Variants in COL24A1 observed in about 807,000 individuals in gnomAD.
COL24A1 encodes collagen alpha-1(XXIV) chain.
A neutral mutation model predicts 253.9 loss-of-function variants in COL24A1; 224 were observed. That is an observed-to-expected ratio of 0.88 (90% confidence interval 0.79 to 0.99). COL24A1 has a LOEUF of 0.99. Among genes scored for constraint, COL24A1 ranks in the 50% least tolerant of loss-of-function variants. The pLI is 0.00. For missense variants in COL24A1, 2,131 were observed against 2,068.5 expected (o/e 1.03, Z -0.59); for synonymous variants, 685 against 673.7 (o/e 1.02, Z -0.26).
At chr1:85,772,983 T>C (rs1376063131) in intron 53 of COL24A1, among the ~76,000 whole-genome samples, 1 of 152,224 alleles carries the variant, frequency 6.6e-6, no homozygotes, top group African/African-American at 2.4e-5. Context: ...GGTTTTCTTC[T>C]AGGATTTTTA....
rs1038840071 is a variant in COL24A1, at chr1:85,763,637, G to A, written c.4375-2071C>T. 7.3e-5 allele frequency among the ~76,000 whole-genome samples: 11 copies of A among 151,534 alleles called. No homozygotes were observed. The South Asian group carries it at 1.5e-3, about 20-fold the overall frequency. ...CTTCCGAGTAGCTGGGACTACAGGCGTGCGCCACCACTCCTGGCTAATTTT... is the reference window on the plus strand; with the variant it reads ...CTTCCGAGTAGCTGGGACTACAGGCATGCGCCACCACTCCTGGCTAATTTT... On this transcript the variant is annotated intron_variant, in intron 53 of 59. Transcript: ENST00000370571.
intron 59 of COL24A1, among the ~76,000 whole-genome samples, 159 bp from the exon 60 acceptor site, chr1:85,730,851 T>C (rs1313270441): frequency 1.3e-5 from 2 of 152,244 alleles, no homozygotes; most frequent in Admixed American, 6.5e-5. Context: ...ATTACTATTA[T>C]TAGTTGAAAA....
chr1:85,963,007 T>C (rs967534367), intron 23 of COL24A1, among the ~76,000 whole-genome samples: 1 of 152,152 alleles, frequency 6.6e-6, no homozygotes, highest in Non-Finnish European at 1.5e-5. Context: ...ATTGATTACA[T>C]GTTGAAAGGA....
At chr1:85,948,747 C>T (rs1300265498) in intron 24 of COL24A1, among the ~76,000 whole-genome samples, 1 of 151,442 alleles carries the variant, frequency 6.6e-6, no homozygotes, top group Non-Finnish European at 1.5e-5. Context: ...GATACCAAAA[C>T]CTGGCAGAGA....
At chr1:86,120,178 C>A (rs530960988) in intron 3 of COL24A1, among the ~76,000 whole-genome samples, 1 of 152,268 alleles carries the variant, frequency 6.6e-6, no homozygotes, top group East Asian at 1.9e-4. Context: ...AGACCTAAAA[C>A]CATAAAAATC....
At chr1:85,813,664 C>T (rs1280491111) in intron 47 of COL24A1, among the ~76,000 whole-genome samples, 3 of 147,472 alleles carry the variant, frequency 2.0e-5, no homozygotes, top group South Asian at 2.2e-4. Flanking sequence ...CATTCTCCTG[C>T]CTCAGCCTCC....
chr1:85,817,837 A>G (rs1329729531), intron 46 of COL24A1, among the ~76,000 whole-genome samples, 197 bp downstream of exon 46: 1 of 152,142 alleles, frequency 6.6e-6, no homozygotes, highest in East Asian at 1.9e-4. Context: ...GCAGGGACTT[A>G]TATTTAAACA....
intron 37 of COL24A1, among the ~76,000 whole-genome samples, chr1:85,854,681 C>T (rs1678217174): frequency 6.6e-6 from 1 of 151,470 alleles, no homozygotes. Flanking sequence ...AGATCTTTCA[C>T]CTCCCTGGTT....
intron 47 of COL24A1, among the ~76,000 whole-genome samples, chr1:85,806,032 C>T (rs1427139643): frequency 4.1e-5 from 6 of 146,640 alleles, no homozygotes; most frequent in Admixed American, 2.1e-4. Context: ...GCGGAGATCG[C>T]GCCACTGCAC....
chr1:86,039,134 A>G (rs767981684), intron 12 of COL24A1, among the ~76,000 whole-genome samples: 4 of 132,256 alleles, frequency 3.0e-5, no homozygotes, highest in Non-Finnish European at 6.6e-5. Flanking sequence ...AGTATTTTAA[A>G]TGTATGATAT....
chr1:86,088,561 T>TCAG (rs1461659214), intron 7 of COL24A1, among the ~76,000 whole-genome samples: 3 of 152,264 alleles, frequency 2.0e-5, no homozygotes, highest in African/African-American at 7.2e-5. Context: ...TGCAACTGTG[T>TCAG]CAGTACTCCT....
At chr1:85,736,372 C>G (rs921667316) in intron 58 of COL24A1, 4 of 456,188 alleles carry the variant, frequency 8.8e-6, no homozygotes, top group Non-Finnish European at 1.8e-5. Flanking sequence ...ATTTCCTCTG[C>G]ACAGTTCACA....
chr1:86,006,951 A>C (rs518538), intron 19 of COL24A1, among the ~76,000 whole-genome samples: 27,600 of 151,936 alleles, frequency 0.18, 3,183 homozygotes, highest in African/African-American at 0.32. Flanking sequence ...GTTGCTCATG[A>C]CTTTAATCCC....
Position 86,050,138 on chromosome 1 carries a change from G to A in COL24A1, c.1891C>T (p.Pro631Ser). The A allele has an allele frequency of 6.2e-7, 1 of 1,613,116 alleles. No individual in the cohort carries two copies. The highest frequency in any genetic ancestry group is 2.2e-5 in the East Asian group (1 of 44,802). ...GSPGEAGQLG[P>S]EGERGIPGIR... ...AATGGACTTACCCGTTCTCCTTCAG[G>A]TCCCAGTTGTCCCGCTTCTCCAGGA... is the stretch of plus-strand genomic sequence containing the variant. Residue 631 changes from proline to serine, a missense_variant, in exon 11 of 60, where the codon CCT becomes TCT. By Grantham distance (74) the Pro-to-Ser change is moderately conservative. Coordinates refer to ENST00000370571, the MANE Select transcript of COL24A1 (RefSeq NM_152890.7).
chr1:85,791,297 TATA>T (rs1286817542), intron 47 of COL24A1, among the ~76,000 whole-genome samples: 1 of 152,074 alleles, frequency 6.6e-6, no homozygotes. Flanking sequence ...GGAAGAATTG[TATA>T]AATAGTCTGT....
At chr1:85,774,729 A>G (rs1361915020) in intron 53 of COL24A1, among the ~76,000 whole-genome samples, 2 of 152,056 alleles carry the variant, frequency 1.3e-5, no homozygotes, top group Non-Finnish European at 2.9e-5. Flanking sequence ...TCCCTTTATC[A>G]TTTTTTATTG....
At chr1:86,020,233 A>G (rs1254004770) in intron 18 of COL24A1, among the ~76,000 whole-genome samples, 1 of 151,754 alleles carries the variant, frequency 6.6e-6, no homozygotes, top group African/African-American at 2.4e-5. Context: ...ATGCCTGGGT[A>G]ATTTTTGTAT....
chr1:86,128,667 A>G (rs894635154), intron 2 of COL24A1, among the ~76,000 whole-genome samples: 1 of 151,950 alleles, frequency 6.6e-6, no homozygotes, highest in Non-Finnish European at 1.5e-5. Flanking sequence ...TGTGTTTTCA[A>G]TGTTTCTTTA....
At chr1:86,115,518 AC>A (rs1706057847) in intron 3 of COL24A1, 140 bp from the exon 4 acceptor site, 1 of 704,222 alleles carries the variant, frequency 1.4e-6, no homozygotes. Flanking sequence ...AGTAACACGA[AC>A]CCCCTTACCC....
Sources: gnomAD v4.1 joint callset for allele counts (sites outside exome capture counted in the v4.1 genomes callset) on GRCh38, gnomAD v4.1.1 for gene constraint, MANE v1.5 for transcripts, NCBI Gene and HGNC (gene_info 2026-07-23, HGNC 2026-07-21) for gene names.